Variants in NLRC5 observed in about 807,000 individuals in gnomAD.
NLRC5 encodes the protein NLR family CARD domain containing 5.
NLRC5 carries 114 observed loss-of-function variants against 206.9 expected under a neutral mutation model. The ratio of observed to expected loss-of-function variants is 0.55; its 90% CI spans 0.47 to 0.64. The LOEUF is 0.64. Among genes scored for constraint, NLRC5 ranks in the 30% least tolerant of loss-of-function variants. The pLI, the probability that NLRC5 is intolerant of heterozygous loss-of-function variation, is 0.00. For synonymous variants in NLRC5, 952 were observed against 962.8 expected (o/e 0.99, Z 0.21); for missense variants, 2,008 against 2,305.5 (o/e 0.87, Z 2.64).
rs116330072 is a variant in NLRC5, at chr16:57,077,356, G to A, written c.4896G>A (p.Gly1632=). ...AGCACTTAGCTACCATCCTGCCTGG[G>A]CTGCCAGAGCTCAGGAAGATAGAGT... is the stretch of plus-strand genomic sequence containing the variant. ...GVQHLATILP[G]LPELRKIDLS... is the part of the protein sequence containing the mutation. Residue 1632 remains glycine, a synonymous_variant, in exon 41 of 49, where the codon GGG becomes GGA. Coordinates refer to ENST00000688547, the MANE Select transcript of NLRC5 (RefSeq NM_001384950.1). The A allele has an allele frequency of 1.5e-3, 2,440 of 1,614,032 alleles. 41 individuals are homozygous for A. In the African/African-American group the frequency reaches 0.029, roughly 19 times the overall value.
chr16:57,004,550 C>T (rs2058690365), intron 1 of NLRC5: 2 of 152,366 alleles, frequency 1.3e-5, no homozygotes, highest in Non-Finnish European at 2.9e-5. Context: ...GAGGCCAGAC[C>T]AGAGCTGAGT....
At chr16:56,994,460 G>A (rs566361012) in intron 1 of NLRC5, among the ~76,000 whole-genome samples, 67 of 152,286 alleles carry the variant, frequency 4.4e-4, no homozygotes, top group African/African-American at 1.5e-3. Flanking sequence ...GCTACAGCCG[G>A]GAACACAACC....
At position 57,079,190 on chromosome 16, in the gene NLRC5, T is replaced by C. The variant is rs575520667; in HGVS notation, c.5166-31T>C. 4.5e-4 allele frequency: 726 copies of C among 1,613,950 alleles called. 13 individuals carry two copies. In the South Asian group the frequency reaches 7.6e-3, roughly 17 times the overall value. Reference sequence around the variant, plus strand: ...GACAGTCCTGGGCGGGTCTGGGGGTTCCTCTCACAGGTATCTCCCCTACCC... The same window carrying C: ...GACAGTCCTGGGCGGGTCTGGGGGTCCCTCTCACAGGTATCTCCCCTACCC... On this transcript the variant is annotated intron_variant, in intron 44 of 48. Transcript: ENST00000688547.
At chr16:57,020,302 C>T (rs1285809572) in intron 2 of NLRC5, among the ~76,000 whole-genome samples, 1 of 148,614 alleles carries the variant, frequency 6.7e-6, no homozygotes, top group Non-Finnish European at 1.5e-5. Context: ...CACCTGCCCC[C>T]AATTTGCTTG....
intron 23 of NLRC5, among the ~76,000 whole-genome samples, chr16:57,050,160 G>A (rs1048668604): frequency 2.0e-5 from 3 of 151,910 alleles, no homozygotes; most frequent in Non-Finnish European, 4.4e-5. Context: ...AGAGCCCATG[G>A]TGTATTTGGG....
At position 57,081,566 on chromosome 16, in the gene NLRC5, C is replaced by T. The variant is rs374405211; in HGVS notation, c.5445C>T (p.Leu1815=). The T allele has an allele frequency of 9.9e-6, 16 of 1,614,106 alleles. No homozygotes were observed. The highest frequency in any genetic ancestry group is 1.4e-5 in the Non-Finnish European group (16 of 1,179,992). The part of the protein sequence containing the change: ...KNQITALGAW[L]LAEGLAQGSS... The stretch of plus-strand genomic sequence containing the variant: ...AGATCACAGCTTTGGGGGCCTGGCT[C>T]CTGGCTGAAGGACTGGCCCAGGGGT... Residue 1815 remains leucine, a synonymous_variant, in exon 48 of 49, where the codon CTC becomes CTT. Transcript: ENST00000688547.
In NLRC5 at chr16:57,047,534, C is replaced by A. The variant is rs528486255; in HGVS notation, c.3339-11C>A. 1.9e-6 allele frequency: 3 copies of A among 1,609,808 alleles called. No individual in the cohort carries two copies. The Admixed American group carries it at 5.0e-5, about 27-fold the overall frequency. On this transcript the variant is annotated splice_polypyrimidine_tract_variant and intron_variant, in intron 22 of 48. Transcript: ENST00000688547. ...CTCTGATTCCCTGCCCTGCCCATTGCCCCTTTGCAGCCTCAGTGAGTGTCC... is the reference window on the plus strand; with the variant it reads ...CTCTGATTCCCTGCCCTGCCCATTGACCCTTTGCAGCCTCAGTGAGTGTCC...
chr16:57,028,431 T>C lies in NLRC5; in HGVS notation c.2243+46T>C, dbSNP rs760272957. 6 of 1,476,964 alleles carry C rather than the reference T, an allele frequency of 4.1e-6. No individual in the cohort carries two copies. The South Asian group carries it at 6.8e-5, about 17-fold the overall frequency. The allele number at this position is 1,476,964 out of a possible 1,614,324, so 91.5% of individuals were successfully genotyped here. ...CTCACTGACTGGGGAGATGAGCCACTGCCCAGGTCCCAGAGTCCCCCTGGG... is the reference window on the plus strand; with the variant it reads ...CTCACTGACTGGGGAGATGAGCCACCGCCCAGGTCCCAGAGTCCCCCTGGG... On this transcript the variant is annotated intron_variant, in intron 8 of 48. Transcript: ENST00000688547.
intron 24 of NLRC5, among the ~76,000 whole-genome samples, chr16:57,052,100 C>T (rs1011815868): frequency 3.3e-5 from 5 of 152,164 alleles, no homozygotes; most frequent in South Asian, 2.1e-4. Context: ...CCGTCAAACT[C>T]GCAAAAAGGG....
In NLRC5 at chr16:57,058,084, G is replaced by T. The variant is rs1286264114; in HGVS notation, c.3766G>T (p.Gly1256Cys). The change falls in exon 28 of 49, where the codon GGC (glycine) becomes TGC (cysteine). Residue 1256 changes from glycine (G) to cysteine (C), a missense_variant. Gly to Cys is a radical substitution (Grantham distance 159). Transcript: ENST00000688547. ...CTACAGTCTCTCAGCAAACCTGCTG[G>T]GCGACAGCGGACTCAGATGCCTTCT... ...SQVDLSANLL[G>C]DSGLRCLLEC... 8 of 1,612,384 alleles carry T rather than the reference G, an allele frequency of 5.0e-6. 1 individual carries two copies. The highest frequency in any genetic ancestry group is 6.8e-6 in the Non-Finnish European group (8 of 1,179,292).
intron 20 of NLRC5, 136 bp downstream of exon 20, chr16:57,043,740 G>C (rs2063575361): frequency 2.7e-6 from 2 of 731,976 alleles, no homozygotes; most frequent in Non-Finnish European, 5.0e-6. Context: ...CAGATCTGCA[G>C]AGCATGTGAT....
intron 3 of NLRC5, among the ~76,000 whole-genome samples, chr16:57,021,867 AG>A (rs1172003834): frequency 1.3e-5 from 2 of 152,198 alleles, no homozygotes; most frequent in Non-Finnish European, 2.9e-5. Flanking sequence ...CCCTACTTCA[AG>A]GCAGAGTGTG....
At chr16:57,051,233 A>G (rs945882198) in intron 23 of NLRC5, among the ~76,000 whole-genome samples, 4 of 152,236 alleles carry the variant, frequency 2.6e-5, no homozygotes, top group African/African-American at 7.2e-5. Flanking sequence ...CTGCTAGTCC[A>G]TTTAGTTTGG....
intron 43 of NLRC5, 33 bp from the exon 44 acceptor site, chr16:57,079,009 CCAGTCCCT>C: frequency 6.3e-7 from 1 of 1,577,374 alleles, no homozygotes; most frequent in Non-Finnish European, 8.7e-7. Flanking sequence ...TCTGGAAACG[CCAGTCCCT>C]CAGGCTCCTC....
intron 18 of NLRC5, 26 bp downstream of exon 18, chr16:57,041,600 G>T: frequency 6.3e-7 from 1 of 1,587,960 alleles, no homozygotes; most frequent in South Asian, 1.1e-5. Context: ...GTTGGAAGGT[G>T]GGTGGGTGGG....
At chr16:57,053,778 C>T (rs572963258) in intron 24 of NLRC5, among the ~76,000 whole-genome samples, 3 of 152,316 alleles carry the variant, frequency 2.0e-5, no homozygotes, top group Non-Finnish European at 4.4e-5. Context: ...ATCCGCCCGC[C>T]TCGGCTTCCC....
chr16:57,016,623 T>C (rs936946380), intron 1 of NLRC5, among the ~76,000 whole-genome samples: 2 of 152,188 alleles, frequency 1.3e-5, no homozygotes, highest in African/African-American at 4.8e-5. Context: ...CTCAATTGTT[T>C]AAAAAACTAA....
chr16:57,029,263 A>T (rs2061548203), intron 8 of NLRC5, among the ~76,000 whole-genome samples: 1 of 151,912 alleles, frequency 6.6e-6, no homozygotes, highest in African/African-American at 2.4e-5. Context: ...ACTCCCCTCA[A>T]CTCATCTGTC....
chr16:57,004,968 T>C (rs2058729611), intron 1 of NLRC5, among the ~76,000 whole-genome samples: 1 of 152,156 alleles, frequency 6.6e-6, no homozygotes, highest in Non-Finnish European at 1.5e-5. Context: ...ATCCCAGGAC[T>C]GCAACTCCAC....
Sources: gnomAD v4.1 joint callset for allele counts (sites outside exome capture counted in the v4.1 genomes callset) on GRCh38, gnomAD v4.1.1 for gene constraint, MANE v1.5 for transcripts, NCBI Gene and HGNC (gene_info 2026-07-23, HGNC 2026-07-21) for gene names.